PSEN2: variants seen among roughly 807,000 people sequenced by gnomAD.
PSEN2 encodes the protein presenilin 2.
In PSEN2, 32 loss-of-function variants were observed where a neutral mutation model predicts 49.1. That is an observed-to-expected ratio of 0.65 (90% CI 0.49 to 0.88). PSEN2 has a LOEUF of 0.88. PSEN2 is among the 40% of genes least tolerant of loss of function. The probability of loss-of-function intolerance (pLI) is 0.00; values close to 1 mark genes in which losing one functional copy is unlikely to be tolerated. For synonymous variants in PSEN2, 255 were observed against 244.0 expected (o/e 1.05, Z -0.42); for missense variants, 522 against 586.9 (o/e 0.89, Z 1.14).
At chr1:226,902,450 G>C (rs1247838320) in intron 12 of PSEN2, among the ~76,000 whole-genome samples, 1 of 152,096 alleles carries the variant, frequency 6.6e-6, no homozygotes, top group East Asian at 1.9e-4. Context: ...ATGGAGAGAA[G>C]AGAGGAGGTA....
At chr1:226,874,954 G>C (rs765476906) in intron 2 of PSEN2, among the ~76,000 whole-genome samples, 1 of 152,122 alleles carries the variant, frequency 6.6e-6, no homozygotes, top group African/African-American at 2.4e-5. Context: ...GGCGTGCTAG[G>C]GGCTCCCTCT....
At chr1:226,881,502 T>G (rs1660986233) in intron 3 of PSEN2, among the ~76,000 whole-genome samples, 1 of 152,240 alleles carries the variant, frequency 6.6e-6, no homozygotes, top group South Asian at 2.1e-4. Flanking sequence ...TGTTTTGTTT[T>G]AAGACAAGGG....
chr1:226,871,565 A>C (rs966259201), intron 2 of PSEN2, among the ~76,000 whole-genome samples, 161 bp downstream of exon 2: 1 of 152,200 alleles, frequency 6.6e-6, no homozygotes, highest in Non-Finnish European at 1.5e-5. Flanking sequence ...CTATTTACAA[A>C]TGGAGAACCT....
intron 6 of PSEN2, 26 bp from the exon 7 acceptor site, chr1:226,888,065 G>A: frequency 6.3e-7 from 1 of 1,598,974 alleles, no homozygotes; most frequent in Admixed American, 1.7e-5. Context: ...GGGACACCTT[G>A]TGATCGTGCA....
chr1:226,874,905 G>T (rs12760155), intron 2 of PSEN2, among the ~76,000 whole-genome samples: 25,716 of 152,128 alleles, frequency 0.17, 2,784 homozygotes, highest in South Asian at 0.27. Context: ...GCTGCTGCTT[G>T]TTTAAAAATA....
downstream of PSEN2, among the ~76,000 whole-genome samples, chr1:226,901,369 G>A (rs1571980152): frequency 6.7e-6 from 1 of 149,994 alleles, no homozygotes; most frequent in Non-Finnish European, 1.5e-5. Context: ...CAGGGAGGCA[G>A]AGGTTGCAGT....
chr1:226,883,624 C>T lies in PSEN2; in HGVS notation c.142-81C>T, dbSNP rs1661136748. 3.0e-6 allele frequency: 4 copies of T among 1,331,526 alleles called. No homozygotes were observed. The Admixed American group carries it at 7.8e-5, about 26-fold the overall frequency. 82.5% of individuals were successfully genotyped at this position (1,331,526 alleles called of 1,614,324 possible). A position where few individuals can be genotyped will look rare whatever the true frequency, so the allele number is the denominator to read the frequency against. ...AAAGCAACATTCAAACTTCTCATTT[C>T]TGGTTCCAAAAATCCGTGCATTACA... On this transcript the variant is annotated intron_variant, in intron 4 of 12. Transcript: ENST00000366783.
intron 12 of PSEN2, among the ~76,000 whole-genome samples, chr1:226,902,013 C>T (rs965612150): frequency 1.8e-4 from 27 of 152,116 alleles, no homozygotes; most frequent in African/African-American, 5.6e-4. Flanking sequence ...GGGAAGGGGC[C>T]GCATCCATGG....
intron 11 of PSEN2, 84 bp from the exon 12 acceptor site, chr1:226,893,923 C>T: frequency 8.0e-7 from 1 of 1,252,346 alleles, no homozygotes; most frequent in Non-Finnish European, 1.2e-6. Context: ...GCAAGAGCAG[C>T]TGGGCCTTCT....
rs148996705 is a variant in PSEN2 at position 226,885,547 on chromosome 1, G to A, written c.366G>A (p.Thr122=). 1.1e-3 allele frequency: 1,824 copies of A among 1,613,948 alleles called. 4 individuals carry two copies. Among genetic ancestry groups the A allele is most frequent in the Non-Finnish European group, 1.3e-3 (1,573 of 1,179,976 alleles). The part of the protein sequence containing the change: ...YTEKNGQLIY[T]PFTEDTPSVG... Reference sequence around the variant, plus strand: ...TTGCCTTCTCCCTCAGCATCTACACGCCATTCACTGAGGACACACCCTCGG... The same window carrying A: ...TTGCCTTCTCCCTCAGCATCTACACACCATTCACTGAGGACACACCCTCGG... Residue 122 remains threonine, a synonymous_variant, in exon 6 of 13, where the codon ACG becomes ACA. Coordinates refer to ENST00000366783, the MANE Select transcript of PSEN2 (RefSeq NM_000447.3).
intron 6 of PSEN2, 126 bp downstream of exon 6, chr1:226,885,805 G>A (rs1661325142): frequency 3.6e-6 from 4 of 1,102,672 alleles, no homozygotes; most frequent in East Asian, 5.0e-5. Flanking sequence ...CAGATTTTTT[G>A]TACTCCTCCC....
At chr1:226,874,250 G>A (rs1305548811) in intron 2 of PSEN2, among the ~76,000 whole-genome samples, 1 of 152,158 alleles carries the variant, frequency 6.6e-6, no homozygotes, top group African/African-American at 2.4e-5. Flanking sequence ...CACTGGGTAC[G>A]TGACCCTCAC....
Position 226,894,917 on chromosome 1 carries a change from C to T in PSEN2, c.1192-507C>T, listed in dbSNP as rs1034659987. Among the ~76,000 whole-genome samples, 11 of 152,186 alleles carry T rather than the reference C, an allele frequency of 7.2e-5. 1 individual carries two copies. The highest frequency in any genetic ancestry group is 2.7e-4 in the African/African-American group (11 of 41,440). On this transcript the variant is annotated intron_variant, in intron 12 of 12. Transcript: ENST00000366783. ...CTGGCCCCAAAGATATAGAAGGCAC[C>T]CTGGTTCCCTGTGCTCACCTGGACC...
chr1:226,896,144 C>T (rs1418227309), downstream of PSEN2: 1 of 164,554 alleles, frequency 6.1e-6, no homozygotes, highest in African/African-American at 2.4e-5. Flanking sequence ...CTCCCTGCAT[C>T]TTGGGCACCC....
At chr1:226,874,941 A>C (rs1660540897) in intron 2 of PSEN2, among the ~76,000 whole-genome samples, 1 of 152,124 alleles carries the variant, frequency 6.6e-6, no homozygotes, top group African/African-American at 2.4e-5. Context: ...CCTACTCCAG[A>C]GGGGCGTGCT....
At chr1:226,884,684 TGA>T (rs1476062115) in intron 5 of PSEN2, 1 of 151,518 alleles carries the variant, frequency 6.6e-6, no homozygotes, top group African/African-American at 2.4e-5. Context: ...GAGACTGAGG[TGA>T]GAGGATTATT....
At chr1:226,902,694 G>T (rs916196262) in intron 12 of PSEN2, among the ~76,000 whole-genome samples, 6 of 152,186 alleles carry the variant, frequency 3.9e-5, no homozygotes, top group African/African-American at 1.4e-4. Context: ...GCCTGCAATG[G>T]AATGGGGTGG....
At chr1:226,901,025 T>C (rs144546926), downstream of PSEN2, among the ~76,000 whole-genome samples, 131 of 152,316 alleles carry the variant, frequency 8.6e-4, no homozygotes, top group African/African-American at 3.0e-3. Flanking sequence ...AGTTAGTATA[T>C]AAGCCCACGG....
chr1:226,893,810 G>A (rs1661917655), intron 11 of PSEN2, among the ~76,000 whole-genome samples, 197 bp from the exon 12 acceptor site: 1 of 152,142 alleles, frequency 6.6e-6, no homozygotes, highest in South Asian at 2.1e-4. Flanking sequence ...CAGTCCACAG[G>A]TGTCCCCTGC....
Sources: gnomAD v4.1 joint callset for allele counts (sites outside exome capture counted in the v4.1 genomes callset) on GRCh38, gnomAD v4.1.1 for gene constraint, MANE v1.5 for transcripts, NCBI Gene and HGNC (gene_info 2026-07-23, HGNC 2026-07-21) for gene names.